Variants in SHROOM3 observed in about 807,000 individuals in gnomAD.
The protein encoded by SHROOM3 is shroom family member 3.
In SHROOM3, 47 loss-of-function variants were observed where a neutral mutation model predicts 138.6. The ratio of observed to expected loss-of-function variants is 0.34; its 90% CI spans 0.27 to 0.43. The LOEUF is 0.43. SHROOM3 is among the 20% of genes least tolerant of loss of function. The pLI, the probability that SHROOM3 is intolerant of heterozygous loss-of-function variation, is 1.00. For synonymous variants in SHROOM3, 1,062 were observed against 1,063.3 expected, an observed-to-expected ratio of 1.00 and a Z score of 0.02; for missense variants, 2,491 against 2,596.5, an observed-to-expected ratio of 0.96 and a Z score of 0.88.
chr4:76,655,809 G>A (rs1736054297), intron 2 of SHROOM3, among the ~76,000 whole-genome samples: 1 of 152,150 alleles, frequency 6.6e-6, no homozygotes, highest in African/African-American at 2.4e-5. Flanking sequence ...GAATTGCCAG[G>A]GGATGTCACT....
chr4:76,588,306 T>A (rs376811714), intron 2 of SHROOM3, among the ~76,000 whole-genome samples: 1 of 152,224 alleles, frequency 6.6e-6, no homozygotes, highest in East Asian at 1.9e-4. Flanking sequence ...GAGAGTTAGA[T>A]TGGAGGGCAA....
chr4:76,443,221 G>A (rs1244075937), intron 1 of SHROOM3, among the ~76,000 whole-genome samples: 1 of 152,090 alleles, frequency 6.6e-6, no homozygotes. Context: ...AATGTTGTTG[G>A]AAATAACTTT....
rs187609881 is a variant in SHROOM3, at chr4:76,508,734, T to C, written c.169-46875T>C. On this transcript the variant is annotated intron_variant, in intron 1 of 10. Coordinates refer to ENST00000296043, the MANE Select transcript of SHROOM3 (RefSeq NM_020859.4). Reference sequence around the variant, plus strand: ...CTTTTAAATTTTCTTTCAACAATGTTTCATGGTTTTCAGTGTATATGTGTC... The same window carrying C: ...CTTTTAAATTTTCTTTCAACAATGTCTCATGGTTTTCAGTGTATATGTGTC... Among the ~76,000 whole-genome samples, 541 of 152,330 alleles carry C rather than the reference T, an allele frequency of 3.6e-3. 2 individuals are homozygous for C. Among genetic ancestry groups the C allele is most frequent in the Middle Eastern group, 0.017 (5 of 294 alleles).
chr4:76,740,600 T>C lies in SHROOM3; in HGVS notation c.2427T>C (p.Tyr809=), dbSNP rs1721216493. ...SVGGSGFGHN[Y]RPHRTVSTSS... ...GCGGCTCTGGTTTTGGCCATAACTA[T>C]AGGCCCCACAGGACCGTCTCAACTT... The change falls in exon 5 of 11, where the codon TAT becomes TAC. Residue 809 remains tyrosine (Y), a synonymous_variant. Coordinates refer to ENST00000296043, the MANE Select transcript of SHROOM3 (RefSeq NM_020859.4). The surrounding 1 kb of genome is among the most constrained non-coding windows in gnomAD (Gnocchi z 4.0). 2 of 1,614,154 alleles carry C rather than the reference T, an allele frequency of 1.2e-6. No homozygotes were observed. The highest frequency in any genetic ancestry group is 1.7e-6 in the Non-Finnish European group (2 of 1,180,020).
chr4:76,647,551 A>G (rs1057164586), intron 2 of SHROOM3, among the ~76,000 whole-genome samples: 7 of 152,228 alleles, frequency 4.6e-5, no homozygotes, highest in African/African-American at 1.7e-4. Flanking sequence ...TATATTATGT[A>G]TTAATAAAAA....
Position 76,473,109 on chromosome 4 carries a change from C to T in SHROOM3, c.168+36889C>T, listed in dbSNP as rs149713322. Among the ~76,000 whole-genome samples the T allele has an allele frequency of 5.0e-4, 76 of 152,104 alleles. No homozygotes were observed. The East Asian group carries it at 8.1e-3, about 16-fold the overall frequency. On this transcript the variant is annotated intron_variant, in intron 1 of 10. Coordinates refer to ENST00000296043, the MANE Select transcript of SHROOM3 (RefSeq NM_020859.4). The stretch of plus-strand genomic sequence containing the variant: ...AAAGCAACAAGTTGTACAATATATA[C>T]GATTTTTATTTATCAGTAAGAAAAA...
At chr4:76,605,873 T>C (rs1489361610) in intron 2 of SHROOM3, among the ~76,000 whole-genome samples, 1 of 149,924 alleles carries the variant, frequency 6.7e-6, no homozygotes, top group East Asian at 1.9e-4. Flanking sequence ...AATCACTCTT[T>C]ATCATTTCAT....
intron 2 of SHROOM3, among the ~76,000 whole-genome samples, chr4:76,566,401 C>G (rs1457156204): frequency 6.6e-6 from 1 of 152,108 alleles, no homozygotes; most frequent in Non-Finnish European, 1.5e-5. Context: ...TGCAGAGCTA[C>G]AACTGTATTC....
intron 2 of SHROOM3, among the ~76,000 whole-genome samples, chr4:76,589,480 A>G (rs1270580713): frequency 6.6e-6 from 1 of 151,868 alleles, no homozygotes; most frequent in African/African-American, 2.4e-5. Context: ...AAAAAAAAAA[A>G]AAAGAAAAAA....
At chr4:76,602,732 C>T (rs1169254560) in intron 2 of SHROOM3, among the ~76,000 whole-genome samples, 1 of 152,116 alleles carries the variant, frequency 6.6e-6, no homozygotes, top group Non-Finnish European at 1.5e-5. Context: ...ATAAATACGA[C>T]AGAAGAGTTA....
intron 1 of SHROOM3, among the ~76,000 whole-genome samples, chr4:76,546,391 A>C (rs1230157861): frequency 6.6e-6 from 1 of 152,196 alleles, no homozygotes; most frequent in Non-Finnish European, 1.5e-5. Flanking sequence ...ACCCTGTGGC[A>C]CTCATTGCAA....
At chr4:76,668,164 T>TC (rs1412114400) in intron 2 of SHROOM3, among the ~76,000 whole-genome samples, 3 of 151,640 alleles carry the variant, frequency 2.0e-5, no homozygotes, top group Non-Finnish European at 4.4e-5. Flanking sequence ...ACTCCGGCGC[T>TC]CCCCATGGCC....
At position 76,759,536 on chromosome 4, in the gene SHROOM3, T is replaced by C. The variant is rs1307967925; in HGVS notation, c.5199-9T>C. The stretch of plus-strand genomic sequence containing the variant: ...TGTGTGGCTATACTTTGTGCTCTTT[T>C]TGGCCCAGGAATGAAGACAAGGAAG... On this transcript the variant is annotated splice_polypyrimidine_tract_variant and intron_variant, in intron 8 of 10. Coordinates refer to ENST00000296043, the MANE Select transcript of SHROOM3 (RefSeq NM_020859.4). The C allele has an allele frequency of 6.2e-7, 1 of 1,613,884 alleles. No individual in the cohort carries two copies. Among genetic ancestry groups the C allele is most frequent in the African/African-American group, 1.3e-5 (1 of 74,934 alleles).
chr4:76,599,360 C>T (rs551433045), intron 2 of SHROOM3, among the ~76,000 whole-genome samples: 16 of 152,018 alleles, frequency 1.1e-4, no homozygotes, highest in African/African-American at 3.9e-4. Context: ...GGATCTTTTG[C>T]GTTGTGATCC....
In SHROOM3 at chr4:76,435,837, T is replaced by C. The variant is rs900648139; in HGVS notation, c.-216T>C. On this transcript the variant is annotated 5_prime_UTR_variant, in exon 1 of 11. Coordinates refer to ENST00000296043, the MANE Select transcript of SHROOM3 (RefSeq NM_020859.4). ...AACCCAGAATTCCTGGAGGAGGATT[T>C]ACATTCAGAAATGTTGAAGTGAAAA... The C allele has an allele frequency of 2.1e-5, 11 of 531,764 alleles. No homozygotes were observed. The African/African-American group carries it at 2.1e-4, about 10-fold the overall frequency. 32.9% of individuals were successfully genotyped at this position (531,764 alleles called of 1,614,324 possible). A position where few individuals can be genotyped will look rare whatever the true frequency, so the allele number is the denominator to read the frequency against.
intron 1 of SHROOM3, among the ~76,000 whole-genome samples, chr4:76,492,745 ACTTTC>A (rs1560523214): frequency 6.6e-6 from 1 of 152,142 alleles, no homozygotes; most frequent in African/African-American, 2.4e-5. Context: ...GTGAACTTAG[ACTTTC>A]TATGGTAAGA....
At chr4:76,579,477 A>T (rs1244881936) in intron 2 of SHROOM3, among the ~76,000 whole-genome samples, 1 of 152,226 alleles carries the variant, frequency 6.6e-6, no homozygotes, top group Non-Finnish European at 1.5e-5. Flanking sequence ...CAAAAATAAT[A>T]ATAAACAAAC....
chr4:76,486,116 A>T (rs1360351297), intron 1 of SHROOM3, among the ~76,000 whole-genome samples: 1 of 152,218 alleles, frequency 6.6e-6, no homozygotes, highest in East Asian at 1.9e-4. Flanking sequence ...CTTAAAGATC[A>T]GCAGTTTCCA....
At chr4:76,633,656 C>CAAAAAAAAAA (rs869138315) in intron 2 of SHROOM3, among the ~76,000 whole-genome samples, 1 of 88,760 alleles carries the variant, frequency 1.1e-5, no homozygotes, top group African/African-American at 4.3e-5. Context: ...GACTCCGTCT[C>CAAAAAAAAAA]AAAAAAAAAA....
Sources: gnomAD v4.1 joint callset for allele counts (sites outside exome capture counted in the v4.1 genomes callset) on GRCh38, gnomAD v4.1.1 for gene constraint, Gnocchi (gnomAD v3.1) non-coding constraint, MANE v1.5 for transcripts, NCBI Gene and HGNC (gene_info 2026-07-23, HGNC 2026-07-21) for gene names.